SAMD12: variants seen among roughly 807,000 people sequenced by gnomAD.
The protein encoded by SAMD12 is sterile alpha motif domain-containing protein 12.
A neutral mutation model predicts 15.0 loss-of-function variants in SAMD12; 9 were observed. The ratio of observed to expected loss-of-function variants is 0.60; its 90% CI spans 0.36 to 1.05. The LOEUF (loss-of-function observed/expected upper bound fraction) is 1.05, where lower values mean the gene tolerates loss of function less well. Among genes scored for constraint, SAMD12 ranks in the 50% least tolerant of loss-of-function variants. The probability of loss-of-function intolerance (pLI) is 0.01; values close to 1 mark genes in which losing one functional copy is unlikely to be tolerated. For missense variants in SAMD12, 230 were observed against 234.2 expected (o/e 0.98, Z 0.12); for synonymous variants, 86 against 90.1 (o/e 0.96, Z 0.25).
At chr8:118,366,136 T>C (rs1478291773) in intron 4 of SAMD12, among the ~76,000 whole-genome samples, 1 of 152,232 alleles carries the variant, frequency 6.6e-6, no homozygotes, top group Non-Finnish European at 1.5e-5. Context: ...CACAACATGC[T>C]GTACCTCTCT....
At position 118,595,889 on chromosome 8, in the gene SAMD12, T is replaced by C. The variant is rs187283010; in HGVS notation, c.14-14996A>G. On this transcript the variant is annotated intron_variant, in intron 1 of 3. Transcript: ENST00000314727. The stretch of plus-strand genomic sequence containing the variant: ...TGGGCACCATTTTAAGCATTTTACA[T>C]TAGTGTTTGATAAATATTCACTCCC... Among the ~76,000 whole-genome samples the C allele has an allele frequency of 3.4e-3, 522 of 152,342 alleles. 4 individuals carry two copies. Among genetic ancestry groups the C allele is most frequent in the African/African-American group, 0.012 (506 of 41,578 alleles).
At chr8:118,355,153 C>A (rs1171488915) in intron 4 of SAMD12, among the ~76,000 whole-genome samples, 1 of 152,164 alleles carries the variant, frequency 6.6e-6, no homozygotes, top group East Asian at 1.9e-4. Flanking sequence ...CCCCATCAAT[C>A]AACAAGGGGA....
At chr8:118,384,070 T>C (rs890132658) in intron 3 of SAMD12, among the ~76,000 whole-genome samples, 5 of 151,992 alleles carry the variant, frequency 3.3e-5, no homozygotes, top group African/African-American at 1.2e-4. Flanking sequence ...GTGGTTAGGA[T>C]AGGAAAGGCC....
exon 5 of SAMD12, chr8:118,191,077 T>A (rs1406722109): frequency 6.6e-6 from 1 of 152,198 alleles, no homozygotes; most frequent in Non-Finnish European, 1.5e-5. Context: ...ATAGTATGAT[T>A]TAATGATACA....
intron 1 of SAMD12, among the ~76,000 whole-genome samples, chr8:118,599,984 C>A (rs1204772588): frequency 6.6e-6 from 1 of 152,142 alleles, no homozygotes; most frequent in African/African-American, 2.4e-5. Flanking sequence ...GTATGGGAGG[C>A]AACAGATCGC....
intron 4 of SAMD12, among the ~76,000 whole-genome samples, chr8:118,287,805 C>T (rs1814133506): frequency 6.6e-6 from 1 of 152,156 alleles, no homozygotes; most frequent in Non-Finnish European, 1.5e-5. Context: ...TGTGGACCAT[C>T]ATGAATTTAT....
downstream of SAMD12, among the ~76,000 whole-genome samples, chr8:118,186,085 A>G (rs1049875401): frequency 1.1e-4 from 16 of 152,206 alleles, no homozygotes; most frequent in Non-Finnish European, 1.6e-4. Flanking sequence ...CATTGAACAA[A>G]TGTGTATGAT....
At chr8:118,617,789 G>A (rs906487885) in intron 1 of SAMD12, among the ~76,000 whole-genome samples, 10 of 152,036 alleles carry the variant, frequency 6.6e-5, no homozygotes, top group South Asian at 2.1e-4. Flanking sequence ...AGTGCCAGGC[G>A]CCATCCCTGG....
chr8:118,214,160 T>C (rs1391969446), intron 4 of SAMD12, among the ~76,000 whole-genome samples: 1 of 152,228 alleles, frequency 6.6e-6, no homozygotes. Flanking sequence ...ATCTCAGTCA[T>C]AGGTTATTCA....
At chr8:118,217,105 G>A (rs979700332) in intron 4 of SAMD12, among the ~76,000 whole-genome samples, 1 of 152,130 alleles carries the variant, frequency 6.6e-6, no homozygotes, top group Non-Finnish European at 1.5e-5. Context: ...CTGGGTTCAA[G>A]CGATTCTTCT....
At chr8:118,534,757 C>T (rs1470231147) in intron 2 of SAMD12, among the ~76,000 whole-genome samples, 1 of 152,332 alleles carries the variant, frequency 6.6e-6, no homozygotes, top group East Asian at 1.9e-4. Flanking sequence ...CTTGTGCATG[C>T]ACCATGTAGT....
chr8:118,460,668 G>A (rs1823391101), intron 2 of SAMD12, among the ~76,000 whole-genome samples: 1 of 152,088 alleles, frequency 6.6e-6, no homozygotes, highest in Non-Finnish European at 1.5e-5. Context: ...ATGGTGAGAG[G>A]GGAACATTAC....
chr8:118,188,660 G>A (rs1180803553), downstream of SAMD12, among the ~76,000 whole-genome samples: 1 of 152,170 alleles, frequency 6.6e-6, no homozygotes, highest in Non-Finnish European at 1.5e-5. Flanking sequence ...TAGAGTCAGA[G>A]TGTCTATAAG....
intron 2 of SAMD12, among the ~76,000 whole-genome samples, chr8:118,503,045 T>C (rs559573552): frequency 2.3e-4 from 35 of 152,336 alleles, no homozygotes; most frequent in Admixed American, 1.6e-3. Context: ...GGCAGAGATA[T>C]TAGACACATC....
chr8:118,389,332 A>G (rs1359334667), intron 3 of SAMD12, among the ~76,000 whole-genome samples: 1 of 152,234 alleles, frequency 6.6e-6, no homozygotes, highest in Admixed American at 6.5e-5. Flanking sequence ...ATAAACTCAG[A>G]TGCTTTTGTC....
chr8:118,291,990 G>C (rs566806321), intron 4 of SAMD12, among the ~76,000 whole-genome samples: 1 of 151,044 alleles, frequency 6.6e-6, no homozygotes, highest in East Asian at 2.0e-4. Context: ...CTGCTTGTGA[G>C]TATATAAAAG....
At chr8:118,575,963 A>G (rs891953262) in intron 2 of SAMD12, among the ~76,000 whole-genome samples, 1 of 152,108 alleles carries the variant, frequency 6.6e-6, no homozygotes, top group Non-Finnish European at 1.5e-5. Context: ...GGGAACATCA[A>G]TTTCAAAAGA....
intron 2 of SAMD12, among the ~76,000 whole-genome samples, chr8:118,450,035 C>T (rs1376605155): frequency 6.6e-6 from 1 of 152,088 alleles, no homozygotes; most frequent in Non-Finnish European, 1.5e-5. Context: ...CAGTCATGTA[C>T]AAGGTGTCCC....
chr8:118,531,282 G>A (rs188716144), intron 2 of SAMD12, among the ~76,000 whole-genome samples: 3 of 152,232 alleles, frequency 2.0e-5, no homozygotes, highest in East Asian at 3.9e-4. Context: ...TGTTCCATTG[G>A]TCTATATCTC....
Sources: allele counts gnomAD v4.1 joint callset (sites outside exome capture counted in the v4.1 genomes callset), GRCh38; gene constraint gnomAD v4.1.1; transcripts MANE v1.5; gene names NCBI Gene and HGNC (gene_info 2026-07-23, HGNC 2026-07-21).